AP1G1: variants seen among roughly 807,000 people sequenced by gnomAD.
AP1G1 encodes the protein adaptor related protein complex 1 subunit gamma 1, also known as AP-1 complex subunit gamma-1.
Under a neutral mutation model 108.3 loss-of-function variants are expected in AP1G1, and 7 were observed. The observed-to-expected ratio is 0.06, with a 90% CI of 0.04 to 0.12. The LOEUF is 0.12. Among genes scored for constraint, AP1G1 ranks in the 10% least tolerant of loss-of-function variants. AP1G1 has a pLI of 1.00. For missense variants in AP1G1, 756 were observed against 1,010.7 expected, an observed-to-expected ratio of 0.75 and a Z score of 3.42; for synonymous variants, 379 against 353.5, an observed-to-expected ratio of 1.07 and a Z score of -0.81.
intron 21 of AP1G1, among the ~76,000 whole-genome samples, chr16:71,737,378 G>T (rs1462369128): frequency 6.6e-6 from 1 of 152,070 alleles, no homozygotes; most frequent in African/African-American, 2.4e-5. Context: ...CCACCTCCTG[G>T]GTTCAAGTGA....
chr16:71,732,233 AT>A lies in AP1G1; in HGVS notation c.*824del, dbSNP rs1378616056. 6.6e-6 allele frequency: 1 copy of A among 152,502 alleles called. No homozygotes were observed. The highest frequency in any genetic ancestry group is 1.5e-5 in the Non-Finnish European group (1 of 68,032). The allele number at this position is 152,502 out of a possible 1,614,324, so 9.4% of individuals were successfully genotyped here. The stretch of plus-strand genomic sequence containing the variant: ...GTGACCATTTTGCACTTTAAAGGGA[AT>A]CAATTTTGAAAATCATGGAGACTAT... On this transcript the variant is annotated 3_prime_UTR_variant, in exon 23 of 23. Coordinates refer to ENST00000299980, the MANE Select transcript of AP1G1 (RefSeq NM_001128.6).
chr16:71,738,787 G>C (rs550689501), intron 21 of AP1G1, among the ~76,000 whole-genome samples, 155 bp downstream of exon 21: 26 of 152,070 alleles, frequency 1.7e-4, no homozygotes, highest in African/African-American at 6.0e-4. Context: ...AAAATGATAT[G>C]CTTCCATGAA....
chr16:71,771,125 A>G (rs927677308), intron 5 of AP1G1, 31 bp downstream of exon 5: 2 of 1,372,938 alleles, frequency 1.5e-6, no homozygotes, highest in Non-Finnish European at 2.1e-6. Flanking sequence ...TTCTCCCTCA[A>G]TACTTCATGA....
chr16:71,738,210 C>A (rs1030709101), intron 21 of AP1G1, among the ~76,000 whole-genome samples: 3 of 150,270 alleles, frequency 2.0e-5, no homozygotes, highest in African/African-American at 7.3e-5. Context: ...GCCATCACGC[C>A]CGGCTAATTT....
Position 71,779,177 on chromosome 16 carries a change from T to C in AP1G1, c.202-4585A>G, listed in dbSNP as rs80066726. On this transcript the variant is annotated intron_variant, in intron 2 of 22. Transcript: ENST00000299980. ...TCAGCCCCCTTTGTAACAAATACAG[T>C]GCCTGAAGAAGTGGTTCCCAAACTT... Among the ~76,000 whole-genome samples, 663 of 152,270 alleles carry C rather than the reference T, an allele frequency of 4.4e-3. 11 individuals are homozygous for C. The highest frequency in any genetic ancestry group is 0.015 in the African/African-American group (642 of 41,562).
intron 4 of AP1G1, among the ~76,000 whole-genome samples, chr16:71,772,799 C>T (rs1343171881): frequency 1.3e-5 from 2 of 152,198 alleles, no homozygotes; most frequent in East Asian, 1.9e-4. Flanking sequence ...TAATTCTCTT[C>T]TATTACTAAT....
chr16:71,753,066 T>A (rs1241727386), intron 13 of AP1G1, among the ~76,000 whole-genome samples: 2 of 152,230 alleles, frequency 1.3e-5, no homozygotes, highest in South Asian at 2.1e-4. Context: ...ATTCAATTTT[T>A]AAATTTTAAT....
chr16:71,751,663 G>C (rs1277001060), intron 13 of AP1G1, among the ~76,000 whole-genome samples: 13 of 152,124 alleles, frequency 8.5e-5, no homozygotes, highest in Admixed American at 7.9e-4. Flanking sequence ...GAAAGCATCA[G>C]GGTGATCTAA....
chr16:71,746,128 G>T (rs1427797657), intron 17 of AP1G1, among the ~76,000 whole-genome samples: 1 of 152,008 alleles, frequency 6.6e-6, no homozygotes, highest in Non-Finnish European at 1.5e-5. Flanking sequence ...TCCTGCTTCA[G>T]CCTCTCGAGT....
chr16:71,746,594 T>G lies in AP1G1; in HGVS notation c.1724A>C (p.His575Pro). ...EYNALFKKYD[H>P]MRSALLERMP... ...CTTAGTTTCTTTCGCTCACCTCATG[T>G]GGTCATATTTCTTGAAAAGTGCATT... The change falls in exon 17 of 23, where the codon CAC becomes CCC. Residue 575 changes from histidine to proline, a missense_variant. Physicochemically the swap from His to Pro is moderately conservative, Grantham distance 77 (BLOSUM62 -2). This residue lies in a region of AP1G1 where 357 missense variants were observed against 366.5 expected (regional missense o/e 0.97). Transcript: ENST00000299980. The G allele has an allele frequency of 6.2e-7, 1 of 1,600,964 alleles. No homozygotes were observed. Among genetic ancestry groups the G allele is most frequent in the Non-Finnish European group, 8.5e-7 (1 of 1,170,560 alleles).
intron 1 of AP1G1, among the ~76,000 whole-genome samples, chr16:71,799,535 C>G (rs1327272354): frequency 6.6e-6 from 1 of 151,382 alleles, no homozygotes; most frequent in Non-Finnish European, 1.5e-5. Flanking sequence ...TGGGAGGCCA[C>G]AGGAGGCAGA....
At chr16:71,743,818 C>T (rs749620518) in intron 19 of AP1G1, among the ~76,000 whole-genome samples, 42 of 151,500 alleles carry the variant, frequency 2.8e-4, no homozygotes, top group African/African-American at 4.4e-4. Context: ...CAGTAGCAGG[C>T]GCCTGTAATC....
chr16:71,783,318 T>C (rs371333182), intron 2 of AP1G1, among the ~76,000 whole-genome samples: 3 of 152,272 alleles, frequency 2.0e-5, no homozygotes, highest in South Asian at 4.1e-4. Flanking sequence ...ATTGACTACA[T>C]GGAAACAATG....
Position 71,808,585 on chromosome 16 carries a change from G to A in AP1G1, c.-4+178C>T, listed in dbSNP as rs983561429. 1.1e-5 allele frequency: 14 copies of A among 1,289,390 alleles called. No homozygotes were observed. The African/African-American group carries it at 1.2e-4, about 11-fold the overall frequency. 79.9% of individuals were successfully genotyped at this position (1,289,390 alleles called of 1,614,324 possible). On this transcript the variant is annotated intron_variant, in intron 1 of 22. Transcript: ENST00000299980. ...AGGCCTCGGGGTCGGCCCTCCAGAAGTCGGAGCAGCCCCTGGGGCTCCCGG... is the reference window on the plus strand; with the variant it reads ...AGGCCTCGGGGTCGGCCCTCCAGAAATCGGAGCAGCCCCTGGGGCTCCCGG...
At chr16:71,791,018 C>T (rs1248897688) in intron 1 of AP1G1, among the ~76,000 whole-genome samples, 4 of 152,042 alleles carry the variant, frequency 2.6e-5, no homozygotes, top group Non-Finnish European at 5.9e-5. Flanking sequence ...GTCAGAAGTT[C>T]GAAACCAGCC....
intron 1 of AP1G1, among the ~76,000 whole-genome samples, chr16:71,794,445 T>A (rs1458525241): frequency 6.6e-6 from 1 of 152,062 alleles, no homozygotes; most frequent in Non-Finnish European, 1.5e-5. Flanking sequence ...AACACAAAAA[T>A]ATTAAAAGTC....
chr16:71,772,519 A>C (rs1467633073), intron 4 of AP1G1, among the ~76,000 whole-genome samples: 2 of 152,236 alleles, frequency 1.3e-5, no homozygotes, highest in African/African-American at 4.8e-5. Context: ...TTTAAGAAAA[A>C]GGACCAGCTT....
At chr16:71,771,327 C>T in intron 4 of AP1G1, 75 bp from the exon 5 acceptor site, 2 of 831,272 alleles carry the variant, frequency 2.4e-6, no homozygotes, top group Non-Finnish European at 3.6e-6. Context: ...TAAAAAACCA[C>T]CAACACAAAA....
intron 2 of AP1G1, among the ~76,000 whole-genome samples, chr16:71,785,678 G>A (rs12447094): frequency 0.23 from 34,349 of 150,706 alleles, 4,595 homozygotes; most frequent in Non-Finnish European, 0.31. Context: ...AGGTCAGATC[G>A]AGACCACCCT....
Sources: allele counts gnomAD v4.1 joint callset (sites outside exome capture counted in the v4.1 genomes callset), GRCh38; gene constraint gnomAD v4.1.1; regional missense constraint gnomAD v4.1.1; transcripts MANE v1.5; gene names NCBI Gene and HGNC (gene_info 2026-07-23, HGNC 2026-07-21).